The following LPCAT3 variants were observed in gnomAD, a reference collection of about 807,000 sequenced individuals.
The protein encoded by LPCAT3 is lysophospholipid acyltransferase 5.
LPCAT3 carries 21 observed loss-of-function variants against 63.4 expected under a neutral mutation model. The ratio of observed to expected loss-of-function variants is 0.33; its 90% CI spans 0.23 to 0.48. The LOEUF (loss-of-function observed/expected upper bound fraction) is 0.48. Ranked by LOEUF, LPCAT3 falls within the 20% of genes least tolerant of loss-of-function variation. The pLI, the probability that LPCAT3 is intolerant of heterozygous loss-of-function variation, is 0.99. For missense variants in LPCAT3, 451 were observed against 590.6 expected, an observed-to-expected ratio of 0.76 and a Z score of 2.45; for synonymous variants, 242 against 227.5, an observed-to-expected ratio of 1.06 and a Z score of -0.58.
At chr12:6,980,140 TG>T (rs1946455494) in intron 6 of LPCAT3, among the ~76,000 whole-genome samples, 1 of 151,882 alleles carries the variant, frequency 6.6e-6, no homozygotes, top group Admixed American at 6.6e-5. Flanking sequence ...CTTGAACTCC[TG>T]GGCTCAAGCG....
chr12:7,008,056 T>C (rs1305148186), intron 1 of LPCAT3, among the ~76,000 whole-genome samples: 1 of 152,156 alleles, frequency 6.6e-6, no homozygotes, highest in Non-Finnish European at 1.5e-5. Context: ...TAGCTCACTA[T>C]CTTCAAAGCT....
chr12:6,979,345 C>T lies in LPCAT3; in HGVS notation c.786+126G>A, dbSNP rs140236640. 5.8e-4 allele frequency: 421 copies of T among 722,392 alleles called. 3 individuals carry two copies. In the African/African-American group the frequency reaches 7.0e-3, roughly 12 times the overall value. 44.7% of individuals were successfully genotyped at this position (722,392 alleles called of 1,614,324 possible). On this transcript the variant is annotated intron_variant, in intron 7 of 12. Coordinates refer to ENST00000261407, the MANE Select transcript of LPCAT3 (RefSeq NM_005768.6). ...CGGCTGGCATTGACAACTCACAGATCTAGAGCAAAACCAACATGCACTTGT... is the reference window on the plus strand; with the variant it reads ...CGGCTGGCATTGACAACTCACAGATTTAGAGCAAAACCAACATGCACTTGT...
intron 1 of LPCAT3, among the ~76,000 whole-genome samples, chr12:7,009,253 G>A (rs782253522): frequency 1.3e-5 from 2 of 152,240 alleles, no homozygotes; most frequent in African/African-American, 2.4e-5. Flanking sequence ...ATAGAAATGG[G>A]TTTCACCATG....
At position 6,987,217 on chromosome 12, in the gene LPCAT3, T is replaced by A. The variant is rs1401402233; in HGVS notation, c.152-3678A>T. Among the ~76,000 whole-genome samples, 1 of 152,240 alleles carries A rather than the reference T, an allele frequency of 6.6e-6. No homozygotes were observed. Among genetic ancestry groups the A allele is most frequent in the Non-Finnish European group, 1.5e-5 (1 of 68,040 alleles). On this transcript the variant is annotated intron_variant, in intron 1 of 12. Transcript: ENST00000261407. This position sits in a 1 kb window ranked among gnomAD's most constrained non-coding sequence, Gnocchi z 4.1. ...GCTCAACTGTAATTAATTCTACAGATATCTTATGGATTACTGGCTCATGTA... is the reference window on the plus strand; with the variant it reads ...GCTCAACTGTAATTAATTCTACAGAAATCTTATGGATTACTGGCTCATGTA...
rs112609673 is a variant in LPCAT3 at position 7,010,043 on chromosome 12, T to C, written c.151+8231A>G. Among the ~76,000 whole-genome samples, 614 of 152,324 alleles carry C rather than the reference T, an allele frequency of 4.0e-3. 1 individual carries two copies. The highest frequency in any genetic ancestry group is 6.3e-3 in the Non-Finnish European group (426 of 68,026). On this transcript the variant is annotated intron_variant, in intron 1 of 12. Coordinates refer to ENST00000261407, the MANE Select transcript of LPCAT3 (RefSeq NM_005768.6). ...AGCTTATGGTGAAACAGCTAGTACA[T>C]ATTTATTTGATCCAGCATTTGAACC...
chr12:7,013,764 C>T (rs1468816189), intron 1 of LPCAT3, among the ~76,000 whole-genome samples: 2 of 152,202 alleles, frequency 1.3e-5, no homozygotes, highest in Non-Finnish European at 2.9e-5. Flanking sequence ...CTCTAGATCA[C>T]TTCTTTCTCC....
At chr12:6,991,134 G>A (rs1946586615) in intron 1 of LPCAT3, among the ~76,000 whole-genome samples, 1 of 152,080 alleles carries the variant, frequency 6.6e-6, no homozygotes, top group South Asian at 2.1e-4. Flanking sequence ...TATGGCCTCT[G>A]TCTGACTTAA....
At chr12:7,009,167 T>C (rs1946746010) in intron 1 of LPCAT3, among the ~76,000 whole-genome samples, 1 of 152,134 alleles carries the variant, frequency 6.6e-6, no homozygotes, top group African/African-American at 2.4e-5. Flanking sequence ...GTTCCAGCGA[T>C]TATCCTGTCT....
At chr12:6,993,851 A>G (rs1307857226) in intron 1 of LPCAT3, among the ~76,000 whole-genome samples, 1 of 152,164 alleles carries the variant, frequency 6.6e-6, no homozygotes, top group Non-Finnish European at 1.5e-5. Context: ...AGCTCAAATG[A>G]TCTGTCCACC....
At chr12:6,986,921 C>T (rs782566324) in intron 1 of LPCAT3, among the ~76,000 whole-genome samples, 74 of 152,032 alleles carry the variant, frequency 4.9e-4, no homozygotes, top group African/African-American at 1.7e-3. Context: ...TGAGACGAGC[C>T]TGGCCAACAT....
chr12:6,991,757 G>A (rs1946591962), intron 1 of LPCAT3, among the ~76,000 whole-genome samples: 1 of 152,182 alleles, frequency 6.6e-6, no homozygotes, highest in Non-Finnish European at 1.5e-5. Flanking sequence ...AGTAAAAATG[G>A]TGGTCGGTGA....
intron 1 of LPCAT3, among the ~76,000 whole-genome samples, chr12:6,988,573 C>T (rs1317377426): frequency 6.6e-6 from 1 of 152,100 alleles, no homozygotes; most frequent in African/African-American, 2.4e-5. Context: ...AATATGGTGG[C>T]TAGAGTTACC....
At chr12:6,981,729 G>C in intron 4 of LPCAT3, 82 bp downstream of exon 4, 2 of 1,365,978 alleles carry the variant, frequency 1.5e-6, no homozygotes, top group African/African-American at 1.4e-5. Flanking sequence ...GGCGGGGGGC[G>C]GAGGGGGGGT....
chr12:6,982,231 G>T (rs1000224637), intron 3 of LPCAT3, among the ~76,000 whole-genome samples: 3 of 152,080 alleles, frequency 2.0e-5, no homozygotes, highest in Non-Finnish European at 4.4e-5. Context: ...TAGAGATGGG[G>T]TTTCACCATG....
At chr12:6,997,007 T>TG (rs1384575869) in intron 1 of LPCAT3, among the ~76,000 whole-genome samples, 1 of 141,602 alleles carries the variant, frequency 7.1e-6, no homozygotes, top group Non-Finnish European at 1.5e-5. Flanking sequence ...AATTGATAAA[T>TG]GGGAAAAAAA....
At chr12:6,999,916 CTTT>C (rs782553121) in intron 1 of LPCAT3, among the ~76,000 whole-genome samples, 2 of 114,526 alleles carry the variant, frequency 1.7e-5, no homozygotes, top group Admixed American at 9.6e-5. Context: ...TACTTACATT[CTTT>C]TTTTTTTTTT....
chr12:7,001,919 G>A (rs1946690007), intron 1 of LPCAT3, among the ~76,000 whole-genome samples: 1 of 152,174 alleles, frequency 6.6e-6, no homozygotes, highest in African/African-American at 2.4e-5. Flanking sequence ...GGGCAGGCAG[G>A]GAAAGGAAGG....
intron 3 of LPCAT3, 25 bp from the exon 4 acceptor site, chr12:6,981,929 C>G: frequency 8.8e-7 from 1 of 1,133,502 alleles, no homozygotes. Flanking sequence ...AGTATTTATT[C>G]TAGCATCACT....
intron 2 of LPCAT3, chr12:6,983,125 A>T: frequency 2.0e-6 from 1 of 495,580 alleles, no homozygotes; most frequent in Non-Finnish European, 3.7e-6. Context: ...GAAGTGAAGA[A>T]TGAATCTAAG....
Sources: allele counts gnomAD v4.1 joint callset (sites outside exome capture counted in the v4.1 genomes callset), GRCh38; gene constraint gnomAD v4.1.1; non-coding constraint Gnocchi (gnomAD v3.1); transcripts MANE v1.5; gene names NCBI Gene and HGNC (gene_info 2026-07-23, HGNC 2026-07-21).